The following SSPN variants were observed in gnomAD, a reference collection of about 807,000 sequenced individuals.
SSPN encodes K-ras oncogene-associated protein.
In SSPN, 15 loss-of-function variants were observed where a neutral mutation model predicts 19.1. That is an observed-to-expected ratio of 0.78 (90% confidence interval 0.52 to 1.21). The LOEUF is 1.21. Among genes scored for constraint, SSPN ranks in the 50% most tolerant of loss-of-function variants. The pLI is 0.00. For missense variants in SSPN, 291 were observed against 314.0 expected (o/e 0.93, Z 0.55); for synonymous variants, 147 against 140.3 (o/e 1.05, Z -0.34).
At chr12:26,189,454 C>T (rs1308994408) in intron 1 of SSPN, among the ~76,000 whole-genome samples, 4 of 152,144 alleles carry the variant, frequency 2.6e-5, no homozygotes, top group Non-Finnish European at 5.9e-5. Context: ...TACATTCTTT[C>T]CTCCTACCTC....
chr12:26,137,636 GTATA>G (rs35349803), intron 1 of SSPN, among the ~76,000 whole-genome samples: 6 of 31,352 alleles, frequency 1.9e-4, no homozygotes, highest in African/African-American at 5.0e-4. Flanking sequence ...GTGTGTGTAT[GTATA>G]TATATATATA....
intron 1 of SSPN, among the ~76,000 whole-genome samples, chr12:26,148,631 A>G (rs957680945): frequency 2.6e-5 from 4 of 152,214 alleles, no homozygotes; most frequent in Admixed American, 2.6e-4. Context: ...CGTTTCAGGC[A>G]TGGTTTTCTA....
At chr12:26,145,232 A>T (rs1429550858) in intron 1 of SSPN, among the ~76,000 whole-genome samples, 1 of 151,902 alleles carries the variant, frequency 6.6e-6, no homozygotes, top group Non-Finnish European at 1.5e-5. Context: ...GAAGTCAGGG[A>T]TGGGGGCCTG....
intron 1 of SSPN, among the ~76,000 whole-genome samples, chr12:26,200,169 C>T (rs934632360): frequency 6.6e-6 from 1 of 152,174 alleles, no homozygotes; most frequent in Non-Finnish European, 1.5e-5. Flanking sequence ...TGCTCCCATA[C>T]CCCACTCAGT....
chr12:26,178,191 C>T (rs761507353), intron 1 of SSPN, among the ~76,000 whole-genome samples: 1 of 152,162 alleles, frequency 6.6e-6, no homozygotes, highest in African/African-American at 2.4e-5. Context: ...CACTGAAAAG[C>T]GTAGACTCTG....
intron 1 of SSPN, among the ~76,000 whole-genome samples, chr12:26,214,002 C>G (rs1003200515): frequency 1.3e-4 from 20 of 152,084 alleles, no homozygotes; most frequent in African/African-American, 4.6e-4. Flanking sequence ...CAGAATGAGA[C>G]GATTTCTAAG....
chr12:26,175,680 G>A (rs1011785380), intron 1 of SSPN, among the ~76,000 whole-genome samples: 1 of 151,986 alleles, frequency 6.6e-6, no homozygotes, highest in African/African-American at 2.4e-5. Flanking sequence ...TTTGAAAAAA[G>A]CAGTTCACTT....
chr12:26,205,661 T>G (rs769578989), intron 1 of SSPN, among the ~76,000 whole-genome samples: 8 of 152,222 alleles, frequency 5.3e-5, no homozygotes, highest in Admixed American at 1.3e-4. Flanking sequence ...GCAGGAGGAC[T>G]GTGCCTACCT....
upstream of SSPN, among the ~76,000 whole-genome samples, chr12:26,192,031 C>T (rs1227579765): frequency 6.6e-6 from 1 of 152,118 alleles, no homozygotes; most frequent in Non-Finnish European, 1.5e-5. Flanking sequence ...TTTCCTAAGA[C>T]ATTTTGTTAA....
chr12:26,162,152 C>T (rs541275509), intron 1 of SSPN, among the ~76,000 whole-genome samples: 1 of 151,038 alleles, frequency 6.6e-6, no homozygotes, highest in African/African-American at 2.4e-5. Flanking sequence ...ATTTGGTCAA[C>T]TCCTCATTTA....
chr12:26,159,127 G>A (rs1051439241), intron 1 of SSPN, among the ~76,000 whole-genome samples: 2 of 152,232 alleles, frequency 1.3e-5, no homozygotes, highest in African/African-American at 4.8e-5. Context: ...GGCTGGATGG[G>A]GAGAGGAGGT....
At chr12:26,179,704 G>T (rs1944706335) in intron 1 of SSPN, among the ~76,000 whole-genome samples, 1 of 152,098 alleles carries the variant, frequency 6.6e-6, no homozygotes, top group South Asian at 2.1e-4. Context: ...ACAGAATGAT[G>T]CCAGTGGACT....
At chr12:26,170,631 C>T (rs980536470) in intron 1 of SSPN, among the ~76,000 whole-genome samples, 1 of 152,170 alleles carries the variant, frequency 6.6e-6, no homozygotes, top group African/African-American at 2.4e-5. Flanking sequence ...TGTCATTACT[C>T]TAATTTTTCC....
At chr12:26,213,179 A>G (rs1945009903) in intron 1 of SSPN, among the ~76,000 whole-genome samples, 1 of 152,150 alleles carries the variant, frequency 6.6e-6, no homozygotes, top group African/African-American at 2.4e-5. Flanking sequence ...ACAGTAGTGT[A>G]ATCAGAGAAA....
Position 26,179,068 on chromosome 12 carries a change from G to T in SSPN, c.-30-45225G>T, listed in dbSNP as rs189375890. On this transcript the variant is annotated intron_variant, in intron 1 of 2. Transcript: ENST00000538142. ...AAAGGAGAAGCAAAGTTGAAGCCCTGGGAAAGGGCTGAAGGAGCAGAGCTG... is the reference window on the plus strand; with the variant it reads ...AAAGGAGAAGCAAAGTTGAAGCCCTTGGAAAGGGCTGAAGGAGCAGAGCTG... Among the ~76,000 whole-genome samples the T allele has an allele frequency of 4.6e-3, 707 of 152,258 alleles. 2 individuals are homozygous for T. The highest frequency in any genetic ancestry group is 0.015 in the African/African-American group (640 of 41,560).
intron 1 of SSPN, among the ~76,000 whole-genome samples, chr12:26,138,868 A>G (rs987969673): frequency 7.9e-5 from 12 of 152,184 alleles, no homozygotes; most frequent in African/African-American, 2.9e-4. Flanking sequence ...CTGGAACTCA[A>G]ATGACATAAC....
intron 1 of SSPN, chr12:26,125,961 G>C (rs78172945): frequency 6.7e-6 from 1 of 150,122 alleles, no homozygotes; most frequent in Non-Finnish European, 1.5e-5. Flanking sequence ...GATAAGAGAC[G>C]CCCGGAGTGT....
At chr12:26,146,993 C>T (rs1468977665) in intron 1 of SSPN, among the ~76,000 whole-genome samples, 1 of 151,990 alleles carries the variant, frequency 6.6e-6, no homozygotes, top group Non-Finnish European at 1.5e-5. Context: ...AAGTTTATCC[C>T]ACAGGTTTTA....
At chr12:26,214,866 T>TA (rs1178657133) in intron 1 of SSPN, 1 of 135,116 alleles carries the variant, frequency 7.4e-6, no homozygotes, top group East Asian at 2.1e-4. Flanking sequence ...TTAAGCCCTA[T>TA]GTGATTAACA....
Sources: allele counts gnomAD v4.1 joint callset (sites outside exome capture counted in the v4.1 genomes callset), GRCh38; gene constraint gnomAD v4.1.1; transcripts MANE v1.5; gene names NCBI Gene and HGNC (gene_info 2026-07-23, HGNC 2026-07-21).